Variants in LY75 observed in about 807,000 individuals in gnomAD.
The protein encoded by LY75 is C-type lectin domain family 13 member B.
A neutral mutation model predicts 231.7 loss-of-function variants in LY75; 185 were observed. The observed-to-expected ratio is 0.80, with a 90% CI of 0.71 to 0.90. The LOEUF is 0.90. Among genes scored for constraint, LY75 ranks in the 40% least tolerant of loss-of-function variants. The pLI is 0.00. For synonymous variants in LY75, 668 were observed against 689.0 expected (o/e 0.97, Z 0.48); for missense variants, 1,947 against 2,050.2 (o/e 0.95, Z 0.97).
intron 15 of LY75, among the ~76,000 whole-genome samples, chr2:159,859,366 C>T (rs1412505073): frequency 2.0e-5 from 3 of 152,192 alleles, no homozygotes; most frequent in Admixed American, 1.3e-4. Flanking sequence ...TGGTCAGCCA[C>T]CTTGTTGAAT....
intron 25 of LY75, among the ~76,000 whole-genome samples, chr2:159,837,962 T>C (rs914869339): frequency 6.6e-6 from 1 of 152,168 alleles, no homozygotes; most frequent in African/African-American, 2.4e-5. Flanking sequence ...TTTAATTCTA[T>C]GTATTTTTAT....
chr2:159,858,479 A>G lies in LY75; in HGVS notation c.2269-3T>C, dbSNP rs41264213. The G allele has an allele frequency of 0.062, 99,710 of 1,607,774 alleles. 3,551 individuals are homozygous for G. Among genetic ancestry groups the G allele is most frequent in the Non-Finnish European group, 0.074 (86,712 of 1,178,002 alleles). On this transcript the variant is annotated splice_region_variant and splice_polypyrimidine_tract_variant and intron_variant, in intron 15 of 34. Coordinates refer to ENST00000263636, the MANE Select transcript of LY75 (RefSeq NM_002349.4). ...CTTCGCCATGGCCTATGAAATACCT[A>G]TAAGAGGAAAAGTATTGCAGAATAT...
intron 27 of LY75, among the ~76,000 whole-genome samples, chr2:159,832,819 T>A (rs1022295710): frequency 1.3e-5 from 2 of 152,208 alleles, no homozygotes; most frequent in Admixed American, 6.5e-5. Context: ...AGACTGATGT[T>A]ATACGGAGCA....
At chr2:159,872,663 T>C in intron 12 of LY75, 70 bp from the exon 13 acceptor site, 1 of 1,535,854 alleles carries the variant, frequency 6.5e-7, no homozygotes, top group Non-Finnish European at 8.8e-7. Context: ...TAAAGTCAAT[T>C]ACTGTCACAT....
chr2:159,902,205 A>G (rs1686102923), intron 1 of LY75, among the ~76,000 whole-genome samples: 1 of 152,218 alleles, frequency 6.6e-6, no homozygotes. Context: ...CCAGTCCTCA[A>G]TGGAGTTTTA....
At chr2:159,841,772 C>T (rs1048108345) in intron 24 of LY75, among the ~76,000 whole-genome samples, 2 of 151,892 alleles carry the variant, frequency 1.3e-5, no homozygotes, top group African/African-American at 4.8e-5. Flanking sequence ...AAGTTTTTTT[C>T]TCCTTTTCCC....
At chr2:159,892,558 G>A (rs141180687) in intron 3 of LY75, among the ~76,000 whole-genome samples, 463 of 152,272 alleles carry the variant, frequency 3.0e-3, no homozygotes, top group African/African-American at 0.01. Flanking sequence ...GCAGAGCCCT[G>A]TTAAGTATTA....
intron 25 of LY75, among the ~76,000 whole-genome samples, chr2:159,838,945 G>A (rs562366167): frequency 3.6e-4 from 55 of 152,106 alleles, no homozygotes; most frequent in Non-Finnish European, 6.8e-4. Context: ...ACAGACGCCC[G>A]CCATGATACC....
chr2:159,894,134 A>G (rs1194166644), intron 2 of LY75, 50 bp from the exon 3 acceptor site: 3 of 1,536,822 alleles, frequency 2.0e-6, no homozygotes, highest in Non-Finnish European at 2.6e-6. Flanking sequence ...CTGGGTAGTC[A>G]GCGTCAGGTG....
At chr2:159,874,086 A>ATATATTTTGTAAAAATATAAACGTATG in intron 12 of LY75, among the ~76,000 whole-genome samples, 1 of 140,698 alleles carries the variant, frequency 7.1e-6, no homozygotes, top group East Asian at 2.1e-4. Context: ...ATATAAACGT[A>ATATATTTTGTAAAAATATAAACGTATG]TATATTTTGT....
intron 1 of LY75, among the ~76,000 whole-genome samples, chr2:159,900,999 C>T (rs559115659): frequency 7.2e-5 from 11 of 152,174 alleles, no homozygotes; most frequent in Admixed American, 3.9e-4. Flanking sequence ...CCACCACACC[C>T]GGGTAATTTT....
chr2:159,831,674 A>G lies in LY75; in HGVS notation c.3954T>C (p.Tyr1318=), dbSNP rs139342011. Residue 1318 remains tyrosine (Y), a synonymous_variant, in exon 28 of 35, where the codon TAT becomes TAC. Transcript: ENST00000263636. ...GTTGGCAGATTTACAACTTACTTCT[A>G]TAAGTTATTCCTAACATGACCCATG... The part of the protein sequence containing the change: ...MASWVMLGIT[Y]RNKSLMWFDK... 1.2e-4 allele frequency: 191 copies of G among 1,608,324 alleles called. No individual in the cohort carries two copies. The highest frequency in any genetic ancestry group is 1.6e-4 in the Non-Finnish European group (188 of 1,178,574).
chr2:159,808,230 C>T (rs1013951828), intron 33 of LY75: 3 of 795,062 alleles, frequency 3.8e-6, no homozygotes, highest in Non-Finnish European at 3.0e-6. Flanking sequence ...CTTTATTTAA[C>T]AGGATTTTCT....
intron 31 of LY75, among the ~76,000 whole-genome samples, chr2:159,812,924 C>T (rs532799104): frequency 6.6e-6 from 1 of 152,286 alleles, no homozygotes; most frequent in South Asian, 2.1e-4. Flanking sequence ...TGGGTACTAC[C>T]TCATATAAAT....
Position 159,860,888 on chromosome 2 carries a change from AC to A in LY75, c.2200del (p.Val734CysfsTer44). ...GSWQWSDRTP[V>X]STIIMPNEFQ... Reference sequence around the variant, plus strand: ...CTCATTTGGCATGATAATAGTAGACACCTGAAAAGACAAGAGAGGCTTGAGA... The same window carrying A: ...CTCATTTGGCATGATAATAGTAGACACTGAAAAGACAAGAGAGGCTTGAGA... On this transcript the variant is annotated frameshift_variant and splice_region_variant, in exon 15 of 35. Coordinates refer to ENST00000263636, the MANE Select transcript of LY75 (RefSeq NM_002349.4). LOFTEE classifies it high-confidence loss of function. 6.2e-7 allele frequency: 1 copy of A among 1,613,894 alleles called. No homozygotes were observed. Among genetic ancestry groups the A allele is most frequent in the Non-Finnish European group, 8.5e-7 (1 of 1,179,834 alleles).
rs896204267 is a variant in LY75 at position 159,872,362 on chromosome 2, C to T, written c.2117+89G>A. 4 of 1,502,298 alleles carry T rather than the reference C, an allele frequency of 2.7e-6. No homozygotes were observed. The African/African-American group carries it at 4.2e-5, about 16-fold the overall frequency. 93.1% of individuals were successfully genotyped at this position (1,502,298 alleles called of 1,614,324 possible). On this transcript the variant is annotated intron_variant, in intron 13 of 34. Transcript: ENST00000263636. ...TAATAAAACATGTCCATTTTTTTTC[C>T]AACAGAGAGTGAGGGTAAGAACATG...
At chr2:159,814,153 C>G (rs1025411492) in intron 31 of LY75, 2 of 152,280 alleles carry the variant, frequency 1.3e-5, no homozygotes, top group African/African-American at 2.4e-5. Flanking sequence ...CACCACCCCC[C>G]AGCCTGTCCT....
intron 23 of LY75, among the ~76,000 whole-genome samples, chr2:159,848,068 GTATA>G (rs557189751): frequency 9.7e-5 from 12 of 123,900 alleles, no homozygotes; most frequent in African/African-American, 1.4e-4. Flanking sequence ...ATTATGGTGT[GTATA>G]TATATATATA....
intron 14 of LY75, among the ~76,000 whole-genome samples, chr2:159,863,576 C>G (rs943124205): frequency 6.6e-6 from 1 of 152,140 alleles, no homozygotes; most frequent in African/African-American, 2.4e-5. Context: ...TTTCCTATGA[C>G]TGTTGGCCAT....
Sources: gnomAD v4.1 joint callset for allele counts (sites outside exome capture counted in the v4.1 genomes callset) on GRCh38, gnomAD v4.1.1 for gene constraint, MANE v1.5 for transcripts, NCBI Gene and HGNC (gene_info 2026-07-23, HGNC 2026-07-21) for gene names.